Variants in SCARA5 observed in about 807,000 individuals in gnomAD.
The protein encoded by SCARA5 is scavenger receptor class A member 5, also known as scavenger receptor class A, member 5 (putative).
Under a neutral mutation model 46.3 loss-of-function variants are expected in SCARA5, and 45 were observed. The ratio of observed to expected loss-of-function variants is 0.97; its 90% CI spans 0.76 to 1.24. The LOEUF (loss-of-function observed/expected upper bound fraction) is 1.24, where lower values mean the gene tolerates loss of function less well. SCARA5 is among the 50% of genes most tolerant of loss of function. The pLI, the probability that SCARA5 is intolerant of heterozygous loss-of-function variation, is 0.00. For missense variants in SCARA5, 680 were observed against 689.0 expected (o/e 0.99, Z 0.15); for synonymous variants, 333 against 306.5 (o/e 1.09, Z -0.90).
intron 2 of SCARA5, among the ~76,000 whole-genome samples, chr8:27,985,897 G>A (rs915582955): frequency 4.6e-5 from 7 of 152,210 alleles, no homozygotes; most frequent in African/African-American, 1.4e-4. Flanking sequence ...ATTTCCAGTC[G>A]TTCTGGTCCA....
chr8:27,938,806 A>G (rs765039473), intron 3 of SCARA5, among the ~76,000 whole-genome samples: 43 of 152,080 alleles, frequency 2.8e-4, no homozygotes, highest in Non-Finnish European at 5.0e-4. Context: ...TGTAGCACCC[A>G]CCCATCGTAA....
At chr8:27,947,700 G>A (rs1291820361) in intron 3 of SCARA5, among the ~76,000 whole-genome samples, 4 of 138,966 alleles carry the variant, frequency 2.9e-5, no homozygotes, top group Admixed American at 2.3e-4. Flanking sequence ...GCGAAACCGT[G>A]TCTCTACTAA....
At chr8:27,889,616 G>A (rs947708729) in intron 7 of SCARA5, among the ~76,000 whole-genome samples, 10 of 152,144 alleles carry the variant, frequency 6.6e-5, no homozygotes, top group African/African-American at 2.2e-4. Context: ...TTTGCATCAC[G>A]ACTTTGATGC....
intron 7 of SCARA5, among the ~76,000 whole-genome samples, chr8:27,892,606 C>CT (rs1230257718): frequency 0.15 from 18,783 of 125,896 alleles, 1,884 homozygotes; most frequent in African/African-American, 0.22. Flanking sequence ...ATACCTCACC[C>CT]TTTTTTTTTT....
At chr8:27,955,156 G>A (rs1021658906) in intron 3 of SCARA5, among the ~76,000 whole-genome samples, 1 of 152,082 alleles carries the variant, frequency 6.6e-6, no homozygotes, top group African/African-American at 2.4e-5. Flanking sequence ...CTAGAGATGG[G>A]GATCCCTGTG....
intron 7 of SCARA5, among the ~76,000 whole-genome samples, chr8:27,901,421 TC>T (rs368526705): frequency 6.6e-6 from 1 of 152,082 alleles, no homozygotes; most frequent in Non-Finnish European, 1.5e-5. Context: ...AACGCTTTTT[TC>T]CCACCCCGTA....
chr8:27,879,466 A>G (rs1585459364), intron 8 of SCARA5, 103 bp downstream of exon 8: 1 of 1,112,596 alleles, frequency 9.0e-7, no homozygotes. Flanking sequence ...GAGGCTGGGG[A>G]CCTCGCGGAA....
chr8:27,933,300 C>A (rs1378884698), intron 3 of SCARA5, among the ~76,000 whole-genome samples: 1 of 151,736 alleles, frequency 6.6e-6, no homozygotes, highest in African/African-American at 2.4e-5. Flanking sequence ...GGCGGGTGAA[C>A]CACCTAAGGT....
At chr8:27,909,548 C>T (rs536688028) in intron 5 of SCARA5, 115 bp downstream of exon 5, 12 of 676,788 alleles carry the variant, frequency 1.8e-5, no homozygotes, top group African/African-American at 1.1e-4. Flanking sequence ...GCGTTTGAGG[C>T]GGAGTTGATT....
At chr8:27,909,781 C>T in intron 4 of SCARA5, 38 bp from the exon 5 acceptor site, 4 of 1,419,568 alleles carry the variant, frequency 2.8e-6, no homozygotes, top group Non-Finnish European at 3.9e-6. Context: ...TAGGGGGCTC[C>T]CTTCTGAAAC....
At chr8:27,926,136 G>T (rs941001607) in intron 3 of SCARA5, among the ~76,000 whole-genome samples, 1 of 152,116 alleles carries the variant, frequency 6.6e-6, no homozygotes, top group Non-Finnish European at 1.5e-5. Flanking sequence ...CTACTATAAA[G>T]AACATGCACA....
intron 3 of SCARA5, among the ~76,000 whole-genome samples, chr8:27,939,246 T>C (rs1281283638): frequency 2.0e-5 from 3 of 152,196 alleles, no homozygotes. Context: ...ACCATGCCCC[T>C]TCTCCCTGCT....
intron 4 of SCARA5, among the ~76,000 whole-genome samples, chr8:27,919,136 AAGGAAGAAGGGGATGGGAAG>A (rs1375018043): frequency 1.2e-4 from 16 of 136,322 alleles, no homozygotes; most frequent in Admixed American, 1.5e-4. Context: ...AAAGGAGGAG[AAGGAAGAAGGGGATGGGAAG>A]AGGAAGAAGG....
chr8:27,952,593 A>G (rs1808145814), intron 3 of SCARA5, among the ~76,000 whole-genome samples: 2 of 152,236 alleles, frequency 1.3e-5, no homozygotes, highest in Admixed American at 1.3e-4. Flanking sequence ...CCTGAGAGTG[A>G]CAAGCCATGC....
intron 5 of SCARA5, among the ~76,000 whole-genome samples, chr8:27,907,677 C>A (rs1470221233): frequency 3.3e-5 from 5 of 150,188 alleles, no homozygotes. Context: ...TCAGGCAATC[C>A]TCCCACCTCA....
chr8:27,946,301 A>C (rs545292650), intron 3 of SCARA5, among the ~76,000 whole-genome samples: 1 of 152,346 alleles, frequency 6.6e-6, no homozygotes, highest in East Asian at 1.9e-4. Flanking sequence ...TTAAAAGAAA[A>C]CCAGGATTCG....
At chr8:27,933,823 T>C (rs1807814420) in intron 3 of SCARA5, among the ~76,000 whole-genome samples, 1 of 152,152 alleles carries the variant, frequency 6.6e-6, no homozygotes, top group Admixed American at 6.5e-5. Context: ...CTTGAGGGAC[T>C]CTTAGGCAGT....
chr8:27,942,781 A>G (rs2129876085), intron 3 of SCARA5, among the ~76,000 whole-genome samples: 1 of 152,258 alleles, frequency 6.6e-6, no homozygotes, highest in East Asian at 1.9e-4. Flanking sequence ...CTTTGCTGCT[A>G]TCTCAAAGCA....
chr8:27,943,774 G>T (rs1030795762), intron 3 of SCARA5, among the ~76,000 whole-genome samples: 3 of 152,210 alleles, frequency 2.0e-5, no homozygotes, highest in African/African-American at 4.8e-5. Flanking sequence ...GACCACCTTT[G>T]TAATAACTGA....
Sources: allele counts gnomAD v4.1 joint callset (sites outside exome capture counted in the v4.1 genomes callset), GRCh38; gene constraint gnomAD v4.1.1; transcripts MANE v1.5; gene names NCBI Gene and HGNC (gene_info 2026-07-23, HGNC 2026-07-21).